Variants in TSHZ2 observed in about 807,000 individuals in gnomAD.
The protein encoded by TSHZ2 is teashirt zinc finger homeobox 2, also known as teashirt homolog 2.
A neutral mutation model predicts 74.4 loss-of-function variants in TSHZ2; 21 were observed. The ratio of observed to expected loss-of-function variants is 0.28; its 90% CI spans 0.20 to 0.41. The LOEUF (loss-of-function observed/expected upper bound fraction) is 0.41, where lower values mean the gene tolerates loss of function less well. Ranked by LOEUF, TSHZ2 falls within the 10% of genes least tolerant of loss-of-function variation. TSHZ2 has a pLI of 1.00. For synonymous variants in TSHZ2, 540 were observed against 515.3 expected, an observed-to-expected ratio of 1.05 and a Z score of -0.65; for missense variants, 1,244 against 1,293.5, an observed-to-expected ratio of 0.96 and a Z score of 0.59.
At chr20:53,262,894 G>GCACATGT (rs1990631611) in intron 2 of TSHZ2, among the ~76,000 whole-genome samples, 1 of 152,170 alleles carries the variant, frequency 6.6e-6, no homozygotes, top group African/African-American at 2.4e-5. Flanking sequence ...GCAGCCACAG[G>GCACATGT]CACATGTCAC....
rs5841921 is a variant in TSHZ2, at chr20:52,975,251, CT to C, written c.40+1929del. Among the ~76,000 whole-genome samples, 1,064 of 147,300 alleles carry C rather than the reference CT, an allele frequency of 7.2e-3. 1 individual carries two copies. Among genetic ancestry groups the C allele is most frequent in the Non-Finnish European group, 8.3e-3 (550 of 66,406 alleles). ...AAGTGATACTGCCCTGAAAATTACT[CT>C]TTTTTTTTTTCTGGTTGTTCCGGTA... On this transcript the variant is annotated intron_variant, in intron 1 of 2. Coordinates refer to ENST00000371497, the MANE Select transcript of TSHZ2 (RefSeq NM_173485.6).
rs574109603 is a variant in TSHZ2, at chr20:53,286,106, C to G, written c.*8+29535C>G. Reference sequence around the variant, plus strand: ...CGAGCTCAGTGGAAAATGTTTTCTGCCATTAATAATGCCAAAAGGTTATGT... The same window carrying G: ...CGAGCTCAGTGGAAAATGTTTTCTGGCATTAATAATGCCAAAAGGTTATGT... On this transcript the variant is annotated intron_variant, in intron 2 of 2. Transcript: ENST00000371497. Among the ~76,000 whole-genome samples, 7 of 152,210 alleles carry G rather than the reference C, an allele frequency of 4.6e-5. No homozygotes were observed. The South Asian group carries it at 1.5e-3, about 32-fold the overall frequency.
chr20:53,106,488 T>C (rs898334692), intron 1 of TSHZ2, among the ~76,000 whole-genome samples: 3 of 128,920 alleles, frequency 2.3e-5, no homozygotes, highest in Admixed American at 9.9e-5. Flanking sequence ...CACTTCAAGC[T>C]CCACCTCCCA....
At chr20:53,190,056 G>T (rs1292122763) in intron 1 of TSHZ2, among the ~76,000 whole-genome samples, 1 of 121,992 alleles carries the variant, frequency 8.2e-6, no homozygotes, top group East Asian at 2.3e-4. Context: ...CTGTACTCCA[G>T]CCTGGGTGAC....
intron 1 of TSHZ2, among the ~76,000 whole-genome samples, chr20:53,173,979 TACAG>T (rs556898775): frequency 1.5e-4 from 23 of 152,172 alleles, no homozygotes; most frequent in African/African-American, 5.3e-4. Context: ...CACAAACACA[TACAG>T]ACAGACATAC....
intron 1 of TSHZ2, among the ~76,000 whole-genome samples, chr20:53,247,854 T>C (rs995781776): frequency 6.6e-6 from 1 of 152,232 alleles, no homozygotes; most frequent in Non-Finnish European, 1.5e-5. Flanking sequence ...TATGTTATGA[T>C]TCCACTTCTG....
At chr20:53,130,103 C>T (rs560514208) in intron 1 of TSHZ2, among the ~76,000 whole-genome samples, 2 of 151,860 alleles carry the variant, frequency 1.3e-5, no homozygotes, top group East Asian at 3.9e-4. Context: ...TTGATAGTGG[C>T]TCAGTGGGTT....
rs1246803187 is a variant in TSHZ2 at position 53,004,200 on chromosome 20, G to C, written c.40+30867G>C. Reference sequence around the variant, plus strand: ...ACATATTTCATACAGAATATTTAAGGGTTTCTGGATGAAATACAAATTTCA... The same window carrying C: ...ACATATTTCATACAGAATATTTAAGCGTTTCTGGATGAAATACAAATTTCA... On this transcript the variant is annotated intron_variant, in intron 1 of 2. Coordinates refer to ENST00000371497, the MANE Select transcript of TSHZ2 (RefSeq NM_173485.6). 5.9e-5 allele frequency among the ~76,000 whole-genome samples: 9 copies of C among 151,676 alleles called. No homozygotes were observed. The South Asian group carries it at 1.3e-3, about 21-fold the overall frequency.
intron 1 of TSHZ2, among the ~76,000 whole-genome samples, chr20:53,189,305 T>C (rs1988675280): frequency 3.3e-5 from 5 of 152,090 alleles, no homozygotes; most frequent in Admixed American, 3.3e-4. Context: ...CAAATGGAAG[T>C]CAGACCATAA....
intron 1 of TSHZ2, among the ~76,000 whole-genome samples, chr20:53,246,790 T>G (rs775806873): frequency 6.6e-6 from 1 of 152,172 alleles, no homozygotes; most frequent in Non-Finnish European, 1.5e-5. Flanking sequence ...GTGGAGAAAT[T>G]CACAAAATGT....
intron 1 of TSHZ2, among the ~76,000 whole-genome samples, chr20:52,988,529 G>A (rs1384684078): frequency 6.6e-6 from 1 of 151,852 alleles, no homozygotes; most frequent in Admixed American, 6.6e-5. Flanking sequence ...GATACATGGA[G>A]GCTAAGGCCA....
intron 1 of TSHZ2, among the ~76,000 whole-genome samples, chr20:53,095,509 T>C (rs535888570): frequency 6.6e-6 from 1 of 152,222 alleles, no homozygotes; most frequent in East Asian, 1.9e-4. Context: ...TGATAAGATA[T>C]TATTAGAAGC....
intron 1 of TSHZ2, among the ~76,000 whole-genome samples, chr20:53,115,540 T>G (rs1369697908): frequency 1.3e-5 from 2 of 152,214 alleles, no homozygotes; most frequent in Non-Finnish European, 2.9e-5. Context: ...TTAACCCTCT[T>G]TCCTTTATAA....
Position 53,114,108 on chromosome 20 carries a change from A to AG in TSHZ2, c.41-139391_41-139390insG, listed in dbSNP as rs1272850550. ...GACCCTGTCTCTTATGAAAAAAAAA[A>AG]AAAGAAAGAAAAAAAAAATGGTCCA... On this transcript the variant is annotated intron_variant, in intron 1 of 2. Transcript: ENST00000371497. 3.2e-3 allele frequency among the ~76,000 whole-genome samples: 472 copies of AG among 148,738 alleles called. 2 individuals are homozygous for AG. The highest frequency in any genetic ancestry group is 0.011 in the African/African-American group (455 of 41,162).
At chr20:53,218,263 C>G (rs887718506) in intron 1 of TSHZ2, among the ~76,000 whole-genome samples, 4 of 152,164 alleles carry the variant, frequency 2.6e-5, no homozygotes, top group African/African-American at 9.7e-5. Context: ...GTGTGCTGCA[C>G]CAACCACATG....
At chr20:53,163,456 A>ATTTTATTT (rs1301320665) in intron 1 of TSHZ2, among the ~76,000 whole-genome samples, 1 of 94,588 alleles carries the variant, frequency 1.1e-5, no homozygotes, top group African/African-American at 4.7e-5. Flanking sequence ...ATTTTATTTT[A>ATTTTATTT]TTTTTTTTTA....
intron 2 of TSHZ2, among the ~76,000 whole-genome samples, chr20:53,445,596 A>C (rs1354371139): frequency 1.3e-5 from 2 of 152,192 alleles, no homozygotes; most frequent in African/African-American, 4.8e-5. Flanking sequence ...ACTCATTGGC[A>C]ATGGAAAGTG....
At position 53,487,710 on chromosome 20, in the gene TSHZ2, C is replaced by G. The variant is rs2145865298; in HGVS notation, c.*575C>G. 1 of 152,286 alleles carries G rather than the reference C, an allele frequency of 6.6e-6. No individual in the cohort carries two copies. Among genetic ancestry groups the G allele is most frequent in the East Asian group, 1.9e-4 (1 of 5,184 alleles). The allele number at this position is 152,286 out of a possible 1,614,324, so 9.4% of individuals were successfully genotyped here. ...CCTGGATTGCCCAGTCCTGCCCCTG[C>G]ACTAGGGGACCATTAATCACTGCAA... On this transcript the variant is annotated 3_prime_UTR_variant, in exon 3 of 3. Coordinates refer to ENST00000371497, the MANE Select transcript of TSHZ2 (RefSeq NM_173485.6).
At chr20:53,421,681 G>GTTTTTGTTTTTTTTT (rs1983472044) in intron 2 of TSHZ2, 2 of 85,578 alleles carry the variant, frequency 2.3e-5, no homozygotes, top group Non-Finnish European at 4.0e-5. Flanking sequence ...TATGTTTTTG[G>GTTTTTGTTTTTTTTT]TTTTTTTTTT....
Sources: allele counts gnomAD v4.1 joint callset (sites outside exome capture counted in the v4.1 genomes callset), GRCh38; gene constraint gnomAD v4.1.1; transcripts MANE v1.5; gene names NCBI Gene and HGNC (gene_info 2026-07-23, HGNC 2026-07-21).